Variants in CAAP1 observed in about 807,000 individuals in gnomAD.
CAAP1 encodes conserved anti-apoptotic protein.
Under a neutral mutation model 34.0 loss-of-function variants are expected in CAAP1, and 20 were observed. The observed-to-expected ratio is 0.59, with a 90% confidence interval of 0.41 to 0.86. The LOEUF is 0.86. CAAP1 is among the 40% of genes least tolerant of loss of function. CAAP1 has a pLI of 0.00. For synonymous variants in CAAP1, 213 were observed against 166.7 expected (o/e 1.28, Z -2.14); for missense variants, 538 against 450.5 (o/e 1.19, Z -1.76).
At chr9:26,864,896 A>T (rs1375872455) in intron 4 of CAAP1, among the ~76,000 whole-genome samples, 1 of 152,178 alleles carries the variant, frequency 6.6e-6, no homozygotes, top group Non-Finnish European at 1.5e-5. Context: ...TTTCTGAAAA[A>T]CTGTTATTTT....
chr9:26,885,025 C>A lies in CAAP1; in HGVS notation c.590-140G>T, dbSNP rs992451112. 1.0e-5 allele frequency: 5 copies of A among 484,172 alleles called. No homozygotes were observed. In the African/African-American group the frequency reaches 1.0e-4, roughly 10 times the overall value. 30.0% of individuals were successfully genotyped at this position (484,172 alleles called of 1,614,324 possible). On this transcript the variant is annotated intron_variant, in intron 3 of 5. Transcript: ENST00000333916. ...GGGTCAAAACTTAAATTTTTAATTG[C>A]TTGTATTTAAAATAATTTTTTCAAT... is the stretch of plus-strand genomic sequence containing the variant.
chr9:26,882,006 C>T (rs925029930), intron 4 of CAAP1, among the ~76,000 whole-genome samples: 2 of 152,064 alleles, frequency 1.3e-5, no homozygotes, highest in Admixed American at 6.5e-5. Flanking sequence ...ATTTGTGGAA[C>T]TTTGAACTTG....
At chr9:26,890,740 T>C (rs1458858923) in intron 1 of CAAP1, among the ~76,000 whole-genome samples, 1 of 152,052 alleles carries the variant, frequency 6.6e-6, no homozygotes, top group African/African-American at 2.4e-5. Context: ...GGTCAGGAGA[T>C]CAAGACCATC....
intron 5 of CAAP1, among the ~76,000 whole-genome samples, chr9:26,848,180 T>G (rs1209202068): frequency 6.6e-6 from 1 of 152,210 alleles, no homozygotes; most frequent in Non-Finnish European, 1.5e-5. Flanking sequence ...TAAAAGTTCC[T>G]TTTATTTTTA....
chr9:26,883,659 T>C (rs1397318101), intron 4 of CAAP1, among the ~76,000 whole-genome samples: 1 of 152,144 alleles, frequency 6.6e-6, no homozygotes, highest in Non-Finnish European at 1.5e-5. Flanking sequence ...AAAGCTCAAT[T>C]CAGGATTCTC....
intron 1 of CAAP1, among the ~76,000 whole-genome samples, chr9:26,890,894 G>A (rs1055655205): frequency 1.3e-5 from 2 of 152,082 alleles, no homozygotes; most frequent in South Asian, 2.1e-4. Flanking sequence ...GCAGTGAGCC[G>A]GGATCACGCC....
At position 26,892,580 on chromosome 9, in the gene CAAP1, C is replaced by G. The variant is rs1395030789; in HGVS notation, c.136G>C (p.Ala46Pro). ...SSGSTSGCGS[A>P]GGCGSVSCCG... The stretch of plus-strand genomic sequence containing the variant: ...CAGCTGACGCTCCCGCAGCCCCCGG[C>G]GCTCCCGCAGCCGCTAGTGCTTCCA... Residue 46 changes from alanine to proline, a missense_variant, in exon 1 of 6, where the codon GCC becomes CCC. This residue lies in a region of CAAP1 where 514 missense variants were observed against 408.4 expected (regional missense o/e 1.26). Transcript: ENST00000333916. The G allele has an allele frequency of 4.4e-6, 7 of 1,597,588 alleles. No homozygotes were observed. Among genetic ancestry groups the G allele is most frequent in the Non-Finnish European group, 5.1e-6 (6 of 1,173,260 alleles).
At chr9:26,846,602 A>G (rs915898858) in intron 5 of CAAP1, among the ~76,000 whole-genome samples, 1 of 151,840 alleles carries the variant, frequency 6.6e-6, no homozygotes, top group African/African-American at 2.4e-5. Context: ...CTGTAAATTC[A>G]TTTTTTCTTT....
intron 5 of CAAP1, among the ~76,000 whole-genome samples, chr9:26,843,959 A>G (rs1389776580): frequency 2.0e-5 from 3 of 152,232 alleles, no homozygotes; most frequent in African/African-American, 7.2e-5. Flanking sequence ...ATGTCCGCAA[A>G]GCAACAAATA....
intron 4 of CAAP1, among the ~76,000 whole-genome samples, chr9:26,868,297 T>C (rs1011287926): frequency 6.6e-6 from 1 of 152,154 alleles, no homozygotes; most frequent in Non-Finnish European, 1.5e-5. Flanking sequence ...GTGGTCACAG[T>C]AATCATTTTA....
chr9:26,845,861 C>A (rs1231529431), intron 5 of CAAP1, among the ~76,000 whole-genome samples: 2 of 151,770 alleles, frequency 1.3e-5, no homozygotes, highest in Non-Finnish European at 2.9e-5. Flanking sequence ...TTATCTTGGT[C>A]CTTCATTTGT....
chr9:26,864,257 A>T (rs1823075549), intron 4 of CAAP1, among the ~76,000 whole-genome samples: 1 of 152,164 alleles, frequency 6.6e-6, no homozygotes, highest in Non-Finnish European at 1.5e-5. Flanking sequence ...CTTATAGTTC[A>T]ATGATTTTTT....
chr9:26,842,570 C>T lies in CAAP1; in HGVS notation c.817G>A (p.Glu273Lys). 2.5e-6 allele frequency: 4 copies of T among 1,614,194 alleles called. No individual in the cohort carries two copies. The highest frequency in any genetic ancestry group is 2.5e-6 in the Non-Finnish European group (3 of 1,180,038). The change falls in exon 6 of 6, where the codon GAA becomes AAA. Residue 273 changes from glutamate (E) to lysine (K), a missense_variant. Glu to Lys is a moderately conservative substitution (Grantham distance 56). Transcript: ENST00000333916. ...TCTGGTGCCTCGGGAGCAGCTGCTT[C>T]TTCGTTGCATGGGCCTTCTATGTCG... ...DSDIEGPCNE[E>K]AAAPEAPENT...
chr9:26,886,643 G>A (rs1823745266), intron 2 of CAAP1, among the ~76,000 whole-genome samples: 2 of 152,196 alleles, frequency 1.3e-5, no homozygotes, highest in Admixed American at 1.3e-4. Context: ...TGAATCTAAT[G>A]AAATATAAGC....
At chr9:26,852,448 C>A (rs1203959887) in intron 5 of CAAP1, among the ~76,000 whole-genome samples, 2 of 151,462 alleles carry the variant, frequency 1.3e-5, no homozygotes, top group Non-Finnish European at 2.9e-5. Flanking sequence ...GAGAGAGGCT[C>A]TGTCTCAAAA....
At chr9:26,887,257 C>T (rs928880948) in intron 2 of CAAP1, 56 bp downstream of exon 2, 1 of 1,149,920 alleles carries the variant, frequency 8.7e-7, no homozygotes, top group Non-Finnish European at 1.2e-6. Flanking sequence ...CAAAAAATTG[C>T]TACAAAGAAG....
At chr9:26,886,934 C>T (rs189911636) in intron 2 of CAAP1, among the ~76,000 whole-genome samples, 23 of 152,128 alleles carry the variant, frequency 1.5e-4, no homozygotes, top group Admixed American at 1.1e-3. Context: ...ACTGCATTAA[C>T]GCCAGGCACG....
intron 5 of CAAP1, among the ~76,000 whole-genome samples, chr9:26,853,940 T>C (rs764753794): frequency 2.0e-5 from 3 of 152,236 alleles, no homozygotes; most frequent in Admixed American, 1.3e-4. Flanking sequence ...ACAGTAGGTT[T>C]GCTGGATGAA....
rs759996603 is a variant in CAAP1 at position 26,886,207 on chromosome 9, T to A, written c.505-19A>T. Reference sequence around the variant, plus strand: ...AACAGTTCTAAAGGAAATGACATTTTAAAAAAATGCATTTATGTAACACAG... The same window carrying A: ...AACAGTTCTAAAGGAAATGACATTTAAAAAAAATGCATTTATGTAACACAG... On this transcript the variant is annotated intron_variant, in intron 2 of 5. Transcript: ENST00000333916. The A allele has an allele frequency of 1.8e-4, 238 of 1,315,058 alleles. 1 individual carries two copies. Among genetic ancestry groups the A allele is most frequent in the Middle Eastern group, 1.2e-3 (5 of 4,280 alleles). The allele number at this position is 1,315,058 out of a possible 1,614,324, so 81.5% of individuals were successfully genotyped here.
Sources: gnomAD v4.1 joint callset for allele counts (sites outside exome capture counted in the v4.1 genomes callset) on GRCh38, gnomAD v4.1.1 for gene constraint, gnomAD v4.1.1 regional missense constraint, MANE v1.5 for transcripts, NCBI Gene and HGNC (gene_info 2026-07-23, HGNC 2026-07-21) for gene names.